The following TACC1 variants were observed in gnomAD, a reference collection of about 807,000 sequenced individuals.
The protein encoded by TACC1 is transforming acidic coiled-coil-containing protein 1.
In TACC1, 48 loss-of-function variants were observed where a neutral mutation model predicts 84.4. The ratio of observed to expected loss-of-function variants is 0.57; its 90% confidence interval spans 0.45 to 0.72. The LOEUF is 0.72. TACC1 is among the 30% of genes least tolerant of loss of function. The probability of loss-of-function intolerance (pLI) is 0.00; values close to 1 mark genes in which losing one functional copy is unlikely to be tolerated. For missense variants in TACC1, 920 were observed against 973.0 expected, an observed-to-expected ratio of 0.95 and a Z score of 0.72; for synonymous variants, 372 against 376.3, an observed-to-expected ratio of 0.99 and a Z score of 0.13.
At chr8:38,729,254 C>T (rs937482625) in intron 1 of TACC1, among the ~76,000 whole-genome samples, 2 of 152,200 alleles carry the variant, frequency 1.3e-5, no homozygotes, top group East Asian at 1.9e-4. Flanking sequence ...GTTGTTTCTC[C>T]GGGTGCAGGG....
chr8:38,746,703 TTCAGCTGTAG>T (rs1028135573), intron 3 of TACC1, among the ~76,000 whole-genome samples: 1 of 152,236 alleles, frequency 6.6e-6, no homozygotes, highest in African/African-American at 2.4e-5. Flanking sequence ...AATTATACTT[TTCAGCTGTAG>T]AATTTACATG....
chr8:38,845,637 T>C (rs1832082462), intron 11 of TACC1, among the ~76,000 whole-genome samples: 1 of 152,230 alleles, frequency 6.6e-6, no homozygotes, highest in Admixed American at 6.5e-5. Flanking sequence ...TTTTTTACAT[T>C]GAAGGTAACA....
At chr8:38,745,429 G>A (rs774831145) in exon 3 of TACC1, 23 of 655,878 alleles carry the variant, frequency 3.5e-5, no homozygotes, top group East Asian at 1.9e-4. Context: ...AAAATGGAAC[G>A]TAGTCTTAAG....
At chr8:38,783,619 C>T (rs1317110994), upstream of TACC1, among the ~76,000 whole-genome samples, 2 of 152,070 alleles carry the variant, frequency 1.3e-5, no homozygotes, top group African/African-American at 4.8e-5. Flanking sequence ...TGGAGTTTCA[C>T]CATGTTGGCC....
chr8:38,798,940 C>G (rs1820675755), intron 2 of TACC1, among the ~76,000 whole-genome samples: 1 of 152,146 alleles, frequency 6.6e-6, no homozygotes, highest in South Asian at 2.1e-4. Context: ...ATATAAAATA[C>G]ACTTCAACTT....
At chr8:38,737,429 G>C (rs970263930) in intron 1 of TACC1, among the ~76,000 whole-genome samples, 1 of 152,190 alleles carries the variant, frequency 6.6e-6, no homozygotes, top group Non-Finnish European at 1.5e-5. Flanking sequence ...CAGGAGACTG[G>C]GCTGGAACAG....
At chr8:38,799,512 C>G (rs1229491821) in intron 2 of TACC1, 1 of 152,182 alleles carries the variant, frequency 6.6e-6, no homozygotes, top group East Asian at 1.9e-4. Flanking sequence ...GTTTTAGCAG[C>G]AAAAGATAGG....
chr8:38,806,801 T>G (rs1434978698), intron 2 of TACC1, among the ~76,000 whole-genome samples: 1 of 152,110 alleles, frequency 6.6e-6, no homozygotes, highest in Non-Finnish European at 1.5e-5. Flanking sequence ...AAAAACTCAG[T>G]TCTATTCTGA....
At chr8:38,779,761 C>A (rs1815559858) in intron 3 of TACC1, among the ~76,000 whole-genome samples, 1 of 152,184 alleles carries the variant, frequency 6.6e-6, no homozygotes, top group Non-Finnish European at 1.5e-5. Context: ...GAAACCCTTC[C>A]TTGCTAAGCC....
At position 38,820,274 on chromosome 8, in the gene TACC1, A is replaced by G. The variant is rs1385358377; in HGVS notation, c.1030A>G (p.Lys344Glu). The change falls in exon 3 of 13, where the codon AAA (lysine) becomes GAA (glutamate). Residue 344 changes from lysine to glutamate, a missense_variant. By Grantham distance (56) the Lys-to-Glu change is moderately conservative. Transcript: ENST00000317827. The stretch of plus-strand genomic sequence containing the variant: ...AGCCCTTCCAAGGAAGCTTGGCAGG[A>G]AACTGGGTAGCACACTGACTCCCAA... The part of the protein sequence containing the change: ...RKALPRKLGR[K>E]LGSTLTPKIQ... 1.9e-6 allele frequency: 3 copies of G among 1,614,088 alleles called. No individual in the cohort carries two copies. Among genetic ancestry groups the G allele is most frequent in the Non-Finnish European group, 2.5e-6 (3 of 1,180,034 alleles).
chr8:38,799,566 A>T (rs1173033947), intron 2 of TACC1: 1 of 152,244 alleles, frequency 6.6e-6, no homozygotes, highest in East Asian at 1.9e-4. Context: ...TGGAGGTCAA[A>T]TGTTAAAAGG....
chr8:38,791,061 TAAG>T (rs1818531736), intron 2 of TACC1, among the ~76,000 whole-genome samples: 1 of 152,198 alleles, frequency 6.6e-6, no homozygotes, highest in African/African-American at 2.4e-5. Flanking sequence ...AGACACATGT[TAAG>T]GAGCTGTTTG....
chr8:38,846,697 A>G lies in TACC1; in HGVS notation c.2229-2A>G. 6.2e-7 allele frequency: 1 copy of G among 1,614,142 alleles called. No homozygotes were observed. The highest frequency in any genetic ancestry group is 8.5e-7 in the Non-Finnish European group (1 of 1,180,022). On this transcript the variant is annotated splice_acceptor_variant, in intron 11 of 12. Coordinates refer to ENST00000317827, the MANE Select transcript of TACC1 (RefSeq NM_006283.3). LOFTEE classifies it high-confidence loss of function. ...TTTATTACACCCAAACACCATAAACAGAGCCAATGAAGAGATTGCTCAGGT... is the reference window on the plus strand; with the variant it reads ...TTTATTACACCCAAACACCATAAACGGAGCCAATGAAGAGATTGCTCAGGT...
intron 3 of TACC1, among the ~76,000 whole-genome samples, chr8:38,767,914 T>A (rs935271755): frequency 1.3e-4 from 20 of 151,940 alleles, no homozygotes; most frequent in South Asian, 2.1e-4. Flanking sequence ...ATAATTTTTT[T>A]AAAAATTAGC....
chr8:38,830,986 C>T (rs1829105124), intron 5 of TACC1, 139 bp from the exon 6 acceptor site: 3 of 710,582 alleles, frequency 4.2e-6, no homozygotes, highest in East Asian at 2.7e-5. Context: ...TGCCAGCGCT[C>T]CTTTTAAATA....
At chr8:38,822,420 G>T (rs973817580) in intron 3 of TACC1, among the ~76,000 whole-genome samples, 3 of 152,138 alleles carry the variant, frequency 2.0e-5, no homozygotes, top group Admixed American at 2.0e-4. Context: ...ACTGGAAGTT[G>T]CTCTGAGTGA....
At chr8:38,841,792 C>T (rs1831323247) in intron 9 of TACC1, among the ~76,000 whole-genome samples, 1 of 152,144 alleles carries the variant, frequency 6.6e-6, no homozygotes, top group East Asian at 1.9e-4. Context: ...GGTGCCTTTA[C>T]AAAACAACAG....
chr8:38,770,722 G>GA (rs201454721), intron 3 of TACC1, among the ~76,000 whole-genome samples: 7 of 151,822 alleles, frequency 4.6e-5, no homozygotes, highest in African/African-American at 7.2e-5. Flanking sequence ...TATTTGGGGG[G>GA]AAAAAAAAGC....
In TACC1 at chr8:38,758,777, G is replaced by A. The variant is rs1016415830; in HGVS notation, c.26+13284G>A. Among the ~76,000 whole-genome samples, 4 of 149,602 alleles carry A rather than the reference G, an allele frequency of 2.7e-5. No individual in the cohort carries two copies. The Admixed American group carries it at 2.7e-4, about 10-fold the overall frequency. On this transcript the variant is annotated intron_variant, in intron 3 of 14. Coordinates refer to the TACC1 transcript ENST00000518415. ...CCCACATGTTATTTAACCCCCAAGA[G>A]CCATTGAATTACTATAGTTCTTGTT...
Sources: allele counts gnomAD v4.1 joint callset (sites outside exome capture counted in the v4.1 genomes callset), GRCh38; gene constraint gnomAD v4.1.1; transcripts MANE v1.5; gene names NCBI Gene and HGNC (gene_info 2026-07-23, HGNC 2026-07-21).